Variants in MPP2 observed in about 807,000 individuals in gnomAD.
MPP2 encodes the protein MAGUK p55 subfamily member 2.
MPP2 carries 42 observed loss-of-function variants against 58.5 expected under a neutral mutation model. That is an observed-to-expected ratio of 0.72 (90% CI 0.56 to 0.93). The LOEUF (loss-of-function observed/expected upper bound fraction) is 0.93, where lower values mean the gene tolerates loss of function less well. Ranked by LOEUF, MPP2 falls within the 40% of genes least tolerant of loss-of-function variation. MPP2 has a pLI of 0.00. For missense variants in MPP2, 632 were observed against 760.4 expected, an observed-to-expected ratio of 0.83 and a Z score of 1.99; for synonymous variants, 300 against 307.8, an observed-to-expected ratio of 0.97 and a Z score of 0.26.
Position 43,881,461 on chromosome 17 carries a change from C to A in MPP2, c.810G>T (p.Trp270Cys). 1 of 1,614,140 alleles carries A rather than the reference C, an allele frequency of 6.2e-7. No homozygotes were observed. The highest frequency in any genetic ancestry group is 8.5e-7 in the Non-Finnish European group (1 of 1,179,996). ...QIVNQDDANWWQACHVEGGSA... is the reference protein window; with the variant it reads ...QIVNQDDANWCQACHVEGGSA... Reference sequence around the variant, plus strand: ...TGCGGGGGTGCCCGCAGCTCACCTGCCACCAGTTGGCATCATCCTGGTTTA... The same window carrying A: ...TGCGGGGGTGCCCGCAGCTCACCTGACACCAGTTGGCATCATCCTGGTTTA... The change falls in exon 7 of 13, where the codon TGG becomes TGT. Residue 270 changes from tryptophan (W) to cysteine (C), a missense_variant. Physicochemically the swap from Trp to Cys is radical, Grantham distance 215. Transcript: ENST00000269095.
At chr17:43,890,138 G>T (rs956208866) in intron 3 of MPP2, among the ~76,000 whole-genome samples, 14 of 152,134 alleles carry the variant, frequency 9.2e-5, no homozygotes, top group Admixed American at 2.6e-4. Flanking sequence ...AAAAAAAGGG[G>T]GGAATCATGA....
rs757998453 is a variant in MPP2 at position 43,882,377 on chromosome 17, G to A, written c.588C>T (p.Asp196=). 4 of 1,612,130 alleles carry A rather than the reference G, an allele frequency of 2.5e-6. No individual in the cohort carries two copies. The African/African-American group carries it at 4.0e-5, about 16-fold the overall frequency. ...KEVNGQPVGS[D]PRALQELLRN... is the part of the protein sequence containing the mutation. Reference sequence around the variant, plus strand: ...GCAGGAGCTCCTGCAGTGCGCGGGGGTCACTGCCCACTGGCTGCCCGTTCA... The same window carrying A: ...GCAGGAGCTCCTGCAGTGCGCGGGGATCACTGCCCACTGGCTGCCCGTTCA... Residue 196 remains aspartate, a synonymous_variant, in exon 6 of 13, where the codon GAC becomes GAT. Coordinates refer to ENST00000269095, the MANE Select transcript of MPP2 (RefSeq NM_005374.5).
intron 3 of MPP2, 114 bp from the exon 4 acceptor site, chr17:43,883,469 C>G: frequency 8.5e-7 from 1 of 1,169,968 alleles, no homozygotes; most frequent in Non-Finnish European, 1.2e-6. Context: ...CCCCAGCCCC[C>G]AGCTTCAGCT....
chr17:43,902,789 A>T (rs1291656002), intron 2 of MPP2, among the ~76,000 whole-genome samples: 1 of 152,192 alleles, frequency 6.6e-6, no homozygotes, highest in East Asian at 1.9e-4. Context: ...AAGTTCAGAC[A>T]ACTCAGAGCA....
chr17:43,903,252 G>C (rs1464609551), intron 2 of MPP2, among the ~76,000 whole-genome samples: 2 of 149,358 alleles, frequency 1.3e-5, no homozygotes, highest in African/African-American at 4.9e-5. Flanking sequence ...CTCCAGCCTG[G>C]GCAACAGAGG....
chr17:43,901,450 A>G, intron 2 of MPP2: 1 of 985,518 alleles, frequency 1.0e-6, no homozygotes, highest in Non-Finnish European at 1.2e-6. Context: ...GCAGAAGGGA[A>G]GGACTCAGCT....
intron 12 of MPP2, among the ~76,000 whole-genome samples, chr17:43,878,631 G>A (rs1276755581): frequency 6.6e-6 from 1 of 152,242 alleles, no homozygotes; most frequent in African/African-American, 2.4e-5. Flanking sequence ...ATTGGCAGAA[G>A]GGTGCCAGCC....
chr17:43,885,727 G>A (rs940302702), intron 3 of MPP2, among the ~76,000 whole-genome samples: 4 of 152,264 alleles, frequency 2.6e-5, no homozygotes, highest in Non-Finnish European at 4.4e-5. Flanking sequence ...AAAATCAGCC[G>A]GGAAGGGTAG....
At chr17:43,878,093 G>A (rs767323269) in intron 12 of MPP2, 110 bp from the exon 13 acceptor site, 18 of 1,227,552 alleles carry the variant, frequency 1.5e-5, no homozygotes, top group Non-Finnish European at 2.0e-5. Flanking sequence ...CAACCCTGGT[G>A]TGGACTCCCT....
chr17:43,884,009 C>T, intron 3 of MPP2: 2 of 675,564 alleles, frequency 3.0e-6, no homozygotes, highest in South Asian at 3.2e-5. Flanking sequence ...AATTCCATTT[C>T]AATAATATAT....
At chr17:43,900,668 A>G (rs1285549030) in intron 2 of MPP2, 1 of 1,417,124 alleles carries the variant, frequency 7.1e-7, no homozygotes, top group Non-Finnish European at 9.2e-7. Context: ...CCCTCTGAGG[A>G]ACCAGCCAAT....
At chr17:43,896,620 G>A (rs772396949) in intron 3 of MPP2, among the ~76,000 whole-genome samples, 6 of 152,002 alleles carry the variant, frequency 3.9e-5, no homozygotes, top group Non-Finnish European at 7.4e-5. Flanking sequence ...CACAGCCCCA[G>A]GCCAGCACGT....
At chr17:43,897,101 G>A (rs933839605) in intron 3 of MPP2, among the ~76,000 whole-genome samples, 2 of 152,122 alleles carry the variant, frequency 1.3e-5, no homozygotes, top group Admixed American at 1.3e-4. Context: ...CCACTAACTG[G>A]CCTCTCCAAC....
chr17:43,901,927 T>C (rs930882987), intron 2 of MPP2, among the ~76,000 whole-genome samples: 7 of 152,118 alleles, frequency 4.6e-5, no homozygotes, highest in Admixed American at 4.6e-4. Context: ...AAAAGGATCT[T>C]ATTAGCTTTG....
Position 43,882,520 on chromosome 17 carries a change from C to A in MPP2, c.454-9G>T, listed in dbSNP as rs374678981. ...ACGCGGAACGTTACACCCTGGAGGT[C>A]AGAGGGAGTGTAAGATGAGGCCCCA... On this transcript the variant is annotated splice_polypyrimidine_tract_variant and intron_variant, in intron 5 of 12. Transcript: ENST00000269095. 5 of 1,601,250 alleles carry A rather than the reference C, an allele frequency of 3.1e-6. No individual in the cohort carries two copies. The highest frequency in any genetic ancestry group is 4.2e-6 in the Non-Finnish European group (5 of 1,179,304).
At chr17:43,903,975 C>G (rs973335847) in intron 2 of MPP2, among the ~76,000 whole-genome samples, 1 of 152,200 alleles carries the variant, frequency 6.6e-6, no homozygotes, top group East Asian at 1.9e-4. Context: ...CCCAGTACCC[C>G]CTGTCCACCT....
chr17:43,882,173 C>T (rs74636831), intron 6 of MPP2, 111 bp downstream of exon 6: 1 of 1,065,872 alleles, frequency 9.4e-7, no homozygotes, highest in Non-Finnish European at 1.4e-6. Flanking sequence ...GTCCCACCCC[C>T]ATCTTCCCTG....
chr17:43,908,555 T>A (rs2048369678), upstream of MPP2, among the ~76,000 whole-genome samples: 1 of 152,022 alleles, frequency 6.6e-6, no homozygotes, highest in Non-Finnish European at 1.5e-5. Flanking sequence ...AGCAACATAG[T>A]GAAACCCCAT....
chr17:43,878,875 C>T (rs925063778), intron 12 of MPP2, among the ~76,000 whole-genome samples: 1 of 152,228 alleles, frequency 6.6e-6, no homozygotes, highest in Non-Finnish European at 1.5e-5. Context: ...CTCCAGCCAG[C>T]CTTCCCGCCT....
Sources: gnomAD v4.1 joint callset for allele counts (sites outside exome capture counted in the v4.1 genomes callset) on GRCh38, gnomAD v4.1.1 for gene constraint, MANE v1.5 for transcripts, NCBI Gene and HGNC (gene_info 2026-07-23, HGNC 2026-07-21) for gene names.